Variants in REC114 observed in about 807,000 individuals in gnomAD.
REC114 encodes meiotic recombination protein REC114.
Under a neutral mutation model 31.3 loss-of-function variants are expected in REC114, and 27 were observed. The ratio of observed to expected loss-of-function variants is 0.86; its 90% CI spans 0.64 to 1.19. The LOEUF (loss-of-function observed/expected upper bound fraction) is 1.19. Among genes scored for constraint, REC114 ranks in the 50% most tolerant of loss-of-function variants. The pLI, the probability that REC114 is intolerant of heterozygous loss-of-function variation, is 0.00. For synonymous variants in REC114, 134 were observed against 127.7 expected, an observed-to-expected ratio of 1.05 and a Z score of -0.33; for missense variants, 344 against 326.9, an observed-to-expected ratio of 1.05 and a Z score of -0.40.
chr15:73,541,844 A>G (rs1216883475), intron 3 of REC114, among the ~76,000 whole-genome samples: 1 of 152,198 alleles, frequency 6.6e-6, no homozygotes, highest in Non-Finnish European at 1.5e-5. Flanking sequence ...ATACATTATT[A>G]CTAAAATTTT....
Position 73,551,157 on chromosome 15 carries a change from A to G in REC114, c.546+7A>G. 1 of 1,591,546 alleles carries G rather than the reference A, an allele frequency of 6.3e-7. No homozygotes were observed. The highest frequency in any genetic ancestry group is 8.6e-7 in the Non-Finnish European group (1 of 1,168,876). On this transcript the variant is annotated splice_region_variant and intron_variant, in intron 4 of 5. Coordinates refer to ENST00000331090, the MANE Select transcript of REC114 (RefSeq NM_001042367.2). ...TGTCCCACGGCAGCCTGGAGTAAGT[A>G]GGCTGATGTGTTGGTTATACAGGAA...
intron 2 of REC114, among the ~76,000 whole-genome samples, chr15:73,517,424 TAAAG>T (rs1399582242): frequency 1.3e-5 from 2 of 152,046 alleles, no homozygotes; most frequent in Non-Finnish European, 2.9e-5. Flanking sequence ...TTTTAGTAAA[TAAAG>T]AAGATGACAG....
chr15:73,443,278 C>A lies in REC114; in HGVS notation c.93C>A (p.Pro31=). ...WPLQRYARCI[P]SNTRDPPGPC... ...TGCAGCGGTACGCCCGCTGCATACC[C>A]TCAAACACCAGAGACCCACCTGGGC... is the stretch of plus-strand genomic sequence containing the variant. The change falls in exon 1 of 6, where the codon CCC becomes CCA. Residue 31 remains proline (P), a synonymous_variant. Coordinates refer to ENST00000331090, the MANE Select transcript of REC114 (RefSeq NM_001042367.2). 6.3e-7 allele frequency: 1 copy of A among 1,581,324 alleles called. No homozygotes were observed. The highest frequency in any genetic ancestry group is 2.3e-5 in the East Asian group (1 of 42,920).
chr15:73,517,519 AG>A (rs531991674), intron 2 of REC114, among the ~76,000 whole-genome samples: 5 of 151,992 alleles, frequency 3.3e-5, no homozygotes, highest in Admixed American at 6.6e-5. Context: ...TTTAGAAGTG[AG>A]GGGGGGAAAG....
intron 1 of REC114, among the ~76,000 whole-genome samples, chr15:73,459,702 A>C (rs138014118): frequency 3.7e-3 from 557 of 152,288 alleles, no homozygotes; most frequent in African/African-American, 0.013. Context: ...TTGGCCAATG[A>C]AATGTGAGCA....
At chr15:73,497,996 G>A (rs1005027716) in intron 2 of REC114, among the ~76,000 whole-genome samples, 6 of 152,138 alleles carry the variant, frequency 3.9e-5, no homozygotes, top group African/African-American at 1.4e-4. Context: ...CTTGTTTCAT[G>A]TAACAAAATA....
intron 2 of REC114, among the ~76,000 whole-genome samples, chr15:73,491,416 G>A (rs1893445165): frequency 1.3e-5 from 2 of 151,710 alleles, no homozygotes; most frequent in Non-Finnish European, 2.9e-5. Context: ...TTAACCTGTT[G>A]GATATTTGGG....
chr15:73,444,966 A>G (rs977353520), intron 1 of REC114, among the ~76,000 whole-genome samples: 3 of 152,214 alleles, frequency 2.0e-5, no homozygotes, highest in Non-Finnish European at 2.9e-5. Flanking sequence ...TTGTCAATGA[A>G]CAATAATATT....
Position 73,533,924 on chromosome 15 carries a change from C to T in REC114, c.250-6561C>T, listed in dbSNP as rs1465768329. Among the ~76,000 whole-genome samples the T allele has an allele frequency of 4.2e-5, 4 of 96,320 alleles. No homozygotes were observed. In the Admixed American group the frequency reaches 4.9e-4, roughly 12 times the overall value. 63.2% of individuals were successfully genotyped at this position (96,320 alleles called of 152,430 possible). ...AACTACATGGAAACTGAACAACCTG[C>T]TCCTGAATGACTACTGGGTACATAA... On this transcript the variant is annotated intron_variant, in intron 2 of 5. Coordinates refer to ENST00000331090, the MANE Select transcript of REC114 (RefSeq NM_001042367.2).
Position 73,536,089 on chromosome 15 carries a change from GCATTAC to G in REC114, c.250-4391_250-4386del, listed in dbSNP as rs536038636. On this transcript the variant is annotated intron_variant, in intron 2 of 5. Transcript: ENST00000331090. ...ATAAAAACCCTGGAAGAAAACCTAG[GCATTAC>G]CATTCAGGACATAGGCATGGGCAAG... Among the ~76,000 whole-genome samples the G allele has an allele frequency of 1.1e-4, 16 of 151,894 alleles. No individual in the cohort carries two copies. The South Asian group carries it at 3.3e-3, about 32-fold the overall frequency.
chr15:73,518,824 T>C (rs1021501431), intron 2 of REC114, among the ~76,000 whole-genome samples: 1 of 152,254 alleles, frequency 6.6e-6, no homozygotes, highest in African/African-American at 2.4e-5. Context: ...AAAGGATGAA[T>C]GGATGTATTT....
At chr15:73,557,032 C>G (rs1253854599) in intron 5 of REC114, among the ~76,000 whole-genome samples, 3 of 150,892 alleles carry the variant, frequency 2.0e-5, no homozygotes, top group African/African-American at 7.3e-5. Flanking sequence ...CCACAGAATT[C>G]TGTGTGAAGT....
intron 2 of REC114, among the ~76,000 whole-genome samples, chr15:73,493,812 T>C (rs539523194): frequency 6.6e-6 from 1 of 152,360 alleles, no homozygotes; most frequent in South Asian, 2.1e-4. Context: ...TCCACCCTTC[T>C]GGTATATCTG....
At chr15:73,514,152 C>T (rs1442284808) in intron 2 of REC114, among the ~76,000 whole-genome samples, 1 of 151,644 alleles carries the variant, frequency 6.6e-6, no homozygotes, top group South Asian at 2.1e-4. Flanking sequence ...CGTGGTGCGC[C>T]GTTTTTTAAG....
intron 2 of REC114, among the ~76,000 whole-genome samples, chr15:73,506,884 C>T (rs574491129): frequency 1.4e-4 from 21 of 152,090 alleles, no homozygotes; most frequent in Admixed American, 7.2e-4. Flanking sequence ...ATATTAACTA[C>T]GTAAAAGTAG....
intron 1 of REC114, among the ~76,000 whole-genome samples, chr15:73,469,382 T>C (rs1893103196): frequency 6.6e-6 from 1 of 152,212 alleles, no homozygotes; most frequent in Admixed American, 6.5e-5. Context: ...TATTCTTGTC[T>C]AATATTAATA....
intron 1 of REC114, among the ~76,000 whole-genome samples, chr15:73,471,904 T>C (rs1050939674): frequency 6.6e-6 from 1 of 152,172 alleles, no homozygotes; most frequent in Non-Finnish European, 1.5e-5. Context: ...ATTCCACTCA[T>C]ATAATTAAAA....
At chr15:73,517,345 ATC>A (rs1893872093) in intron 2 of REC114, among the ~76,000 whole-genome samples, 1 of 152,192 alleles carries the variant, frequency 6.6e-6, no homozygotes, top group Non-Finnish European at 1.5e-5. Context: ...TTTAAAAGGT[ATC>A]TCTCACAGTG....
chr15:73,559,702 G>A (rs1217065487), intron 5 of REC114, 50 bp from the exon 6 acceptor site: 2 of 1,467,394 alleles, frequency 1.4e-6, no homozygotes, highest in Non-Finnish European at 1.8e-6. Flanking sequence ...CTATTAGCCA[G>A]GTATTGCTTT....
Sources: allele counts gnomAD v4.1 joint callset (sites outside exome capture counted in the v4.1 genomes callset), GRCh38; gene constraint gnomAD v4.1.1; transcripts MANE v1.5; gene names NCBI Gene and HGNC (gene_info 2026-07-23, HGNC 2026-07-21).